The following YJU2 variants were observed in gnomAD, a reference collection of about 807,000 sequenced individuals.
YJU2 encodes splicing factor YJU2.
Under a neutral mutation model 39.6 loss-of-function variants are expected in YJU2, and 28 were observed. That is an observed-to-expected ratio of 0.71 (90% CI 0.52 to 0.97). YJU2 has a LOEUF of 0.97. YJU2 is among the 50% of genes least tolerant of loss of function. The pLI, the probability that YJU2 is intolerant of heterozygous loss-of-function variation, is 0.00. For missense variants in YJU2, 328 were observed against 430.4 expected (o/e 0.76, Z 2.11); for synonymous variants, 184 against 182.4 (o/e 1.01, Z -0.07).
At chr19:4,253,576 G>A (rs1970995282) in intron 3 of YJU2, among the ~76,000 whole-genome samples, 1 of 151,958 alleles carries the variant, frequency 6.6e-6, no homozygotes, top group Admixed American at 6.6e-5. Context: ...ACGAGACCCT[G>A]TCCCCAAAAA....
chr19:4,260,652 G>A (rs1971063779), intron 5 of YJU2, among the ~76,000 whole-genome samples: 1 of 152,098 alleles, frequency 6.6e-6, no homozygotes, highest in South Asian at 2.1e-4. Flanking sequence ...TTAGAGACGG[G>A]GTCTCGCTAT....
At chr19:4,258,201 C>T (rs1285718682) in intron 4 of YJU2, 41 bp from the exon 5 acceptor site, 23 of 1,542,294 alleles carry the variant, frequency 1.5e-5, no homozygotes, top group African/African-American at 2.7e-5. Context: ...CCCCGTGGTG[C>T]GATCCCCATG....
At chr19:4,265,016 G>T (rs1010962044) in intron 6 of YJU2, among the ~76,000 whole-genome samples, 1 of 152,002 alleles carries the variant, frequency 6.6e-6, no homozygotes, top group African/African-American at 2.4e-5. Context: ...AGAATTCATT[G>T]TCTACAACTT....
intron 3 of YJU2, among the ~76,000 whole-genome samples, chr19:4,252,433 C>CA (rs1214073013): frequency 8.4e-6 from 1 of 119,170 alleles, no homozygotes; most frequent in Non-Finnish European, 1.6e-5. Context: ...CCCGTCTCTA[C>CA]TAAAAAAAAA....
intron 1 of YJU2, among the ~76,000 whole-genome samples, chr19:4,247,697 GTTTTGTT>G (rs1383273446): frequency 5.0e-5 from 7 of 138,926 alleles, no homozygotes; most frequent in African/African-American, 1.6e-4. Context: ...GTGTGTGTGT[GTTTTGTT>G]TTTTTTACTG....
intron 1 of YJU2, 72 bp downstream of exon 1, chr19:4,247,242 C>T (rs1383675196): frequency 4.4e-6 from 6 of 1,355,470 alleles, no homozygotes; most frequent in African/African-American, 4.4e-5. Context: ...GGAGGAGCTT[C>T]CTGAGATCTC....
chr19:4,258,455 C>T (rs1568362451), intron 5 of YJU2, 32 bp downstream of exon 5: 19 of 1,550,614 alleles, frequency 1.2e-5, no homozygotes, highest in Non-Finnish European at 1.6e-5. Context: ...CCAGCCCCAC[C>T]TCGCAGCCTC....
At chr19:4,257,527 C>G (rs901701686) in intron 4 of YJU2, among the ~76,000 whole-genome samples, 1 of 151,524 alleles carries the variant, frequency 6.6e-6, no homozygotes, top group Non-Finnish European at 1.5e-5. Flanking sequence ...AGGTTGGAGT[C>G]CAGTGGTGCA....
At chr19:4,252,653 A>G (rs886215323) in intron 3 of YJU2, among the ~76,000 whole-genome samples, 13 of 152,144 alleles carry the variant, frequency 8.5e-5, no homozygotes, top group Non-Finnish European at 1.2e-4. Flanking sequence ...GGCTGGGTGC[A>G]GTGGCTCACG....
chr19:4,264,354 C>G (rs1019649895), intron 6 of YJU2, among the ~76,000 whole-genome samples: 2 of 150,216 alleles, frequency 1.3e-5, no homozygotes, highest in African/African-American at 4.9e-5. Flanking sequence ...GTTGCCCAGG[C>G]TGGAGTGCAG....
Position 4,265,970 on chromosome 19 carries a change from T to C in YJU2, c.709-1654T>C, listed in dbSNP as rs1479142002. The stretch of plus-strand genomic sequence containing the variant: ...GCTACGACATTTTTTTTTTTTTTTT[T>C]CGAGACGGCGTCTCGCCCTGTCACC... On this transcript the variant is annotated intron_variant, in intron 6 of 7. Coordinates refer to ENST00000262962, the MANE Select transcript of YJU2 (RefSeq NM_018074.6). 7.0e-5 allele frequency among the ~76,000 whole-genome samples: 10 copies of C among 143,190 alleles called. No homozygotes were observed. The East Asian group carries it at 1.4e-3, about 20-fold the overall frequency. 93.9% of individuals were successfully genotyped at this position (143,190 alleles called of 152,430 possible). A position where few individuals can be genotyped will look rare whatever the true frequency, so the allele number is the denominator to read the frequency against.
At chr19:4,266,705 G>C (rs1971117906) in intron 6 of YJU2, among the ~76,000 whole-genome samples, 1 of 152,212 alleles carries the variant, frequency 6.6e-6, no homozygotes, top group East Asian at 1.9e-4. Flanking sequence ...GAAGAGGCTA[G>C]ATGCAGTGGC....
intron 6 of YJU2, among the ~76,000 whole-genome samples, chr19:4,264,283 A>G (rs1279083415): frequency 1.3e-5 from 2 of 149,630 alleles, no homozygotes; most frequent in African/African-American, 4.9e-5. Context: ...AAAAAAAAAA[A>G]AAAGAAACGA....
chr19:4,266,205 C>A (rs186076185), intron 6 of YJU2, among the ~76,000 whole-genome samples: 5 of 152,156 alleles, frequency 3.3e-5, no homozygotes, highest in Non-Finnish European at 7.3e-5. Context: ...CTGCCTTGGC[C>A]TCCCAAAGTG....
chr19:4,249,677 T>C (rs986529328), intron 2 of YJU2, among the ~76,000 whole-genome samples: 5 of 151,770 alleles, frequency 3.3e-5, no homozygotes, highest in South Asian at 4.2e-4. Flanking sequence ...CTGCCCCTGC[T>C]TGGAACTCTC....
intron 5 of YJU2, among the ~76,000 whole-genome samples, chr19:4,260,966 G>A (rs943379219): frequency 3.9e-5 from 6 of 152,178 alleles, no homozygotes; most frequent in Admixed American, 1.3e-4. Context: ...GAGGAAGAGC[G>A]TCTTGCATTG....
intron 3 of YJU2, among the ~76,000 whole-genome samples, chr19:4,253,713 TAAACA>T (rs1017789731): frequency 2.6e-5 from 4 of 152,172 alleles, no homozygotes; most frequent in African/African-American, 9.7e-5. Context: ...CTCTATTCAA[TAAACA>T]AAAACAGGGG....
chr19:4,256,180 AAATATAT>A (rs1274955428), intron 4 of YJU2, among the ~76,000 whole-genome samples: 688 of 106,512 alleles, frequency 6.5e-3, no homozygotes, highest in African/African-American at 0.032. Context: ...AAAAAAAAAA[AAATATAT>A]ATATATATAT....
intron 4 of YJU2, among the ~76,000 whole-genome samples, chr19:4,256,271 G>A (rs151027714): frequency 6.6e-6 from 1 of 150,792 alleles, no homozygotes; most frequent in East Asian, 1.9e-4. Context: ...TTAAATGACT[G>A]TGTTCCCTGC....
Sources: gnomAD v4.1 joint callset for allele counts (sites outside exome capture counted in the v4.1 genomes callset) on GRCh38, gnomAD v4.1.1 for gene constraint, MANE v1.5 for transcripts, NCBI Gene and HGNC (gene_info 2026-07-23, HGNC 2026-07-21) for gene names.